GNAO1: variants seen among roughly 807,000 people sequenced by gnomAD.
The protein encoded by GNAO1 is G protein subunit alpha o1.
For synonymous variants in GNAO1, 164 were observed against 180.7 expected (o/e 0.91, Z 0.74); for missense variants, 166 against 478.7 (o/e 0.35, Z 6.10).
chr16:56,265,819 T>C (rs553800742), intron 2 of GNAO1, among the ~76,000 whole-genome samples: 1 of 152,224 alleles, frequency 6.6e-6, no homozygotes, highest in East Asian at 1.9e-4. Flanking sequence ...TTTTAATGTG[T>C]AGCTGAGAAA....
chr16:56,196,432 T>C (rs2036233905), intron 2 of GNAO1, among the ~76,000 whole-genome samples: 1 of 152,216 alleles, frequency 6.6e-6, no homozygotes, highest in African/African-American at 2.4e-5. Context: ...GTCAATTTTA[T>C]TTAATTGCCA....
chr16:56,192,552 C>T (rs776729306), intron 1 of GNAO1, 22 bp from the exon 2 acceptor site: 1 of 1,568,218 alleles, frequency 6.4e-7, no homozygotes, highest in African/African-American at 1.4e-5. Context: ...CCAGTTTTTC[C>T]CCACTGTCTG....
At chr16:56,271,612 C>A (rs972405505) in intron 2 of GNAO1, among the ~76,000 whole-genome samples, 8 of 152,068 alleles carry the variant, frequency 5.3e-5, no homozygotes, top group African/African-American at 1.9e-4. Context: ...TGCCACCACA[C>A]CAGGCTAATT....
Position 56,354,729 on chromosome 16 carries a change from A to C in GNAO1, c.878-137A>C. On this transcript the variant is annotated intron_variant, in intron 7 of 8. Transcript: ENST00000262493. The surrounding 1 kb of genome is among the most constrained non-coding windows in gnomAD (Gnocchi z 4.3). Reference sequence around the variant, plus strand: ...CAACTATGGCTTGGAACTGCCCAGCAGTTCCTACTGCTCCCTTCCTGTCTC... The same window carrying C: ...CAACTATGGCTTGGAACTGCCCAGCCGTTCCTACTGCTCCCTTCCTGTCTC... The C allele has an allele frequency of 1.7e-6, 1 of 586,550 alleles. No individual in the cohort carries two copies. The highest frequency in any genetic ancestry group is 3.0e-6 in the Non-Finnish European group (1 of 328,490). 36.3% of individuals were successfully genotyped at this position (586,550 alleles called of 1,614,324 possible).
chr16:56,193,558 T>C, intron 2 of GNAO1: 1 of 156,144 alleles, frequency 6.4e-6, no homozygotes, highest in Non-Finnish European at 1.4e-5. Context: ...CCCTCCTAAT[T>C]AACTGGGGGT....
Position 56,331,732 on chromosome 16 carries a change from G to A in GNAO1, c.464+2941G>A, listed in dbSNP as rs570168561. Among the ~76,000 whole-genome samples, 34 of 152,292 alleles carry A rather than the reference G, an allele frequency of 2.2e-4. No individual in the cohort carries two copies. The South Asian group carries it at 6.4e-3, about 29-fold the overall frequency. ...CTCCTCTCAAGGCCTGGTGCCTGGT[G>A]ACCTTCTCCTGTCTCGTTTTAAACA... On this transcript the variant is annotated intron_variant, in intron 4 of 8. Transcript: ENST00000262493.
intron 2 of GNAO1, among the ~76,000 whole-genome samples, chr16:56,215,813 TG>T (rs1202583641): frequency 2.0e-5 from 3 of 152,234 alleles, no homozygotes; most frequent in Non-Finnish European, 4.4e-5. Flanking sequence ...GTATCATTTG[TG>T]TGTTTGGTTC....
intron 2 of GNAO1, among the ~76,000 whole-genome samples, chr16:56,222,408 A>C (rs1157905217): frequency 6.6e-6 from 1 of 152,182 alleles, no homozygotes; most frequent in East Asian, 1.9e-4. Flanking sequence ...TGGGCTGTCC[A>C]TCTAAAGGTG....
chr16:56,293,117 G>T (rs934391767), intron 3 of GNAO1, among the ~76,000 whole-genome samples: 7 of 152,236 alleles, frequency 4.6e-5, no homozygotes, highest in Admixed American at 1.3e-4. Flanking sequence ...CCAGAACTTG[G>T]TCCCTGGTCA....
rs1302343226 is a variant in GNAO1 at position 56,191,750 on chromosome 16, G to GCGCCGC, written c.-475_-470dup. 3 of 207,146 alleles carry GCGCCGC rather than the reference G, an allele frequency of 1.4e-5. No homozygotes were observed. Among genetic ancestry groups the GCGCCGC allele is most frequent in the South Asian group, 7.4e-5 (1 of 13,494 alleles). 12.8% of individuals were successfully genotyped at this position (207,146 alleles called of 1,614,324 possible). A position where few individuals can be genotyped will look rare whatever the true frequency, so the allele number is the denominator to read the frequency against. On this transcript the variant is annotated 5_prime_UTR_variant, in exon 1 of 9. Coordinates refer to ENST00000262493, the MANE Select transcript of GNAO1 (RefSeq NM_020988.3). The surrounding 1 kb of genome is among the most constrained non-coding windows in gnomAD (Gnocchi z 4.7). ...CCCTAACTCACTCCCTCCACATCCC[G>GCGCCGC]CGCCGCCGCCGCCGCCTCCTCCACC...
intron 2 of GNAO1, among the ~76,000 whole-genome samples, chr16:56,261,732 G>A (rs2036905609): frequency 6.6e-6 from 1 of 152,154 alleles, no homozygotes; most frequent in Non-Finnish European, 1.5e-5. Flanking sequence ...TGCAAAATGG[G>A]ATGGGGGCAG....
At chr16:56,267,102 A>C (rs1163933192) in intron 2 of GNAO1, among the ~76,000 whole-genome samples, 1 of 152,172 alleles carries the variant, frequency 6.6e-6, no homozygotes, top group South Asian at 2.1e-4. Flanking sequence ...TTCCAGGGAA[A>C]GGAAATACAA....
intron 2 of GNAO1, among the ~76,000 whole-genome samples, chr16:56,222,130 T>C (rs986901830): frequency 6.6e-6 from 1 of 152,116 alleles, no homozygotes; most frequent in Non-Finnish European, 1.5e-5. Flanking sequence ...TCTTCCTAAG[T>C]GATGCTGACA....
In GNAO1 at chr16:56,263,352, C is replaced by T. The variant is rs573777810; in HGVS notation, c.162-12579C>T. On this transcript the variant is annotated intron_variant, in intron 2 of 8. Transcript: ENST00000262493. ...AGCCATTCATCCAGCATTGATTGATCATTCGCCATGTACCAAGCTCTGCCC... is the reference window on the plus strand; with the variant it reads ...AGCCATTCATCCAGCATTGATTGATTATTCGCCATGTACCAAGCTCTGCCC... Among the ~76,000 whole-genome samples the T allele has an allele frequency of 8.7e-4, 133 of 152,366 alleles. 1 individual carries two copies. Among genetic ancestry groups the T allele is most frequent in the Non-Finnish European group, 1.7e-3 (117 of 68,040 alleles).
chr16:56,204,164 C>T (rs2036304968), intron 2 of GNAO1, among the ~76,000 whole-genome samples: 1 of 152,094 alleles, frequency 6.6e-6, no homozygotes, highest in Non-Finnish European at 1.5e-5. Context: ...CCATTTTGAA[C>T]CTGTGAGATG....
intron 2 of GNAO1, among the ~76,000 whole-genome samples, chr16:56,244,727 A>G (rs2036726619): frequency 6.6e-6 from 1 of 152,118 alleles, no homozygotes; most frequent in South Asian, 2.1e-4. Context: ...TCCCTGTGGC[A>G]GGCCCAAGCT....
intron 2 of GNAO1, among the ~76,000 whole-genome samples, chr16:56,195,555 G>A (rs2036225144): frequency 6.6e-6 from 1 of 152,208 alleles, no homozygotes; most frequent in Admixed American, 6.5e-5. Context: ...TTTATAGAAA[G>A]CAGTTTCCAA....
At chr16:56,297,120 G>A (rs568769468) in intron 3 of GNAO1, among the ~76,000 whole-genome samples, 1 of 152,200 alleles carries the variant, frequency 6.6e-6, no homozygotes. Context: ...TTTGGGAGTA[G>A]GACACGGGAT....
rs2037853339 is a variant in GNAO1, at chr16:56,345,162, A to AC, written c.724-6221dup. 3.0e-6 allele frequency: 3 copies of AC among 985,868 alleles called. No individual in the cohort carries two copies. The Admixed American group carries it at 1.8e-4, about 61-fold the overall frequency. 61.1% of individuals were successfully genotyped at this position (985,868 alleles called of 1,614,324 possible). ...GGGGTAGCTTCTCCCGGTGACGGTG[A>AC]CGCAGGTCTGGCTGGCCTTGGGCAA... On this transcript the variant is annotated intron_variant, in intron 6 of 8. Coordinates refer to ENST00000262493, the MANE Select transcript of GNAO1 (RefSeq NM_020988.3).
Sources: gnomAD v4.1 joint callset for allele counts (sites outside exome capture counted in the v4.1 genomes callset) on GRCh38, gnomAD v4.1.1 for gene constraint, Gnocchi (gnomAD v3.1) non-coding constraint, MANE v1.5 for transcripts, NCBI Gene and HGNC (gene_info 2026-07-23, HGNC 2026-07-21) for gene names.